Variants in MYCBP2 observed in about 807,000 individuals in gnomAD.
MYCBP2 encodes the protein E3 ubiquitin-protein ligase MYCBP2.
In MYCBP2, 120 loss-of-function variants were observed where a neutral mutation model predicts 525.3. The observed-to-expected ratio is 0.23, with a 90% CI of 0.20 to 0.27. The LOEUF is 0.27. Ranked by LOEUF, MYCBP2 falls within the 10% of genes least tolerant of loss-of-function variation. The pLI is 1.00. For missense variants in MYCBP2, 4,149 were observed against 5,657.1 expected, an observed-to-expected ratio of 0.73 and a Z score of 8.55; for synonymous variants, 1,894 against 1,955.8, an observed-to-expected ratio of 0.97 and a Z score of 0.83.
At chr13:77,284,153 T>G (rs1224330533) in intron 3 of MYCBP2, among the ~76,000 whole-genome samples, 1 of 151,488 alleles carries the variant, frequency 6.6e-6, no homozygotes, top group Non-Finnish European at 1.5e-5. Flanking sequence ...TAAATAATAA[T>G]TTAAAACTCA....
chr13:77,071,273 A>G lies in MYCBP2; in HGVS notation c.11824-562T>C, dbSNP rs1773244. Among the ~76,000 whole-genome samples, 904 of 95,264 alleles carry G rather than the reference A, an allele frequency of 9.5e-3. 6 individuals are homozygous for G. Among genetic ancestry groups the G allele is most frequent in the African/African-American group, 0.027 (641 of 24,020 alleles). The allele number at this position is 95,264 out of a possible 152,430, so 62.5% of individuals were successfully genotyped here. On this transcript the variant is annotated intron_variant, in intron 68 of 82. Transcript: ENST00000544440. ...TATGCATGCACGTGTGTGCACACGC[A>G]CACACACACACACACACACACACAC... is the stretch of plus-strand genomic sequence containing the variant.
intron 4 of MYCBP2, among the ~76,000 whole-genome samples, chr13:77,275,678 T>A (rs549878287): frequency 8.8e-4 from 134 of 152,146 alleles, no homozygotes; most frequent in African/African-American, 2.9e-3. Context: ...AAATAAAAAA[T>A]TTTTAAGTTA....
intron 2 of MYCBP2, 85 bp downstream of exon 2, chr13:77,296,514 T>C: frequency 7.1e-7 from 1 of 1,404,900 alleles, no homozygotes. Flanking sequence ...ATAAAATGGT[T>C]TAATTATATT....
chr13:77,275,650 C>T (rs2075458719), intron 4 of MYCBP2, among the ~76,000 whole-genome samples: 1 of 152,004 alleles, frequency 6.6e-6, no homozygotes, highest in African/African-American at 2.4e-5. Flanking sequence ...TAGTAAGATC[C>T]TGTCCCTAAA....
rs149197578 is a variant in MYCBP2, at chr13:77,066,717, T to G, written c.12456-629A>C. Reference sequence around the variant, plus strand: ...AGATATCCAAAAAGGCTGCAGCAATTTATATGAGATGAAAATGCCTATTTC... The same window carrying G: ...AGATATCCAAAAAGGCTGCAGCAATGTATATGAGATGAAAATGCCTATTTC... On this transcript the variant is annotated intron_variant, in intron 71 of 82. Coordinates refer to ENST00000544440, the MANE Select transcript of MYCBP2 (RefSeq NM_015057.5). 2.2e-3 allele frequency among the ~76,000 whole-genome samples: 332 copies of G among 152,294 alleles called. 1 individual carries two copies. The highest frequency in any genetic ancestry group is 7.6e-3 in the African/African-American group (316 of 41,564).
Position 77,078,909 on chromosome 13 carries a change from A to G in MYCBP2, c.11419-20T>C, listed in dbSNP as rs2042808242. On this transcript the variant is annotated intron_variant, in intron 65 of 82. Coordinates refer to ENST00000544440, the MANE Select transcript of MYCBP2 (RefSeq NM_015057.5). ...TTTATTCTGAAATAGACAATTCACA[A>G]TAGTTAATATGCTATATTCCTGCTT... is the stretch of plus-strand genomic sequence containing the variant. 6.3e-7 allele frequency: 1 copy of G among 1,583,098 alleles called. No individual in the cohort carries two copies. The highest frequency in any genetic ancestry group is 8.7e-7 in the Non-Finnish European group (1 of 1,152,684).
intron 20 of MYCBP2, among the ~76,000 whole-genome samples, chr13:77,218,981 G>A (rs1356947641): frequency 2.6e-5 from 4 of 152,188 alleles, no homozygotes; most frequent in Admixed American, 1.3e-4. Context: ...CAGAATTGAT[G>A]AAACTTGGCA....
chr13:77,207,475 T>A (rs2063483067), intron 23 of MYCBP2, among the ~76,000 whole-genome samples: 1 of 152,168 alleles, frequency 6.6e-6, no homozygotes, highest in Non-Finnish European at 1.5e-5. Flanking sequence ...AGCTATTGTT[T>A]AATAACTATA....
chr13:77,099,571 T>A (rs2046754464), intron 55 of MYCBP2: 1 of 164,288 alleles, frequency 6.1e-6, no homozygotes, highest in Admixed American at 5.8e-5. Flanking sequence ...CTCTGTTTTA[T>A]GATCAGATTA....
intron 54 of MYCBP2, among the ~76,000 whole-genome samples, chr13:77,122,248 C>G (rs1594732806): frequency 6.6e-6 from 1 of 151,846 alleles, no homozygotes; most frequent in African/African-American, 2.4e-5. Flanking sequence ...CATATTAATG[C>G]CAGCCAAAAA....
At chr13:77,281,768 G>A (rs902095685) in intron 3 of MYCBP2, among the ~76,000 whole-genome samples, 1 of 152,018 alleles carries the variant, frequency 6.6e-6, no homozygotes, top group African/African-American at 2.4e-5. Flanking sequence ...TTCCAAACGT[G>A]ACTTTATTAT....
intron 69 of MYCBP2, among the ~76,000 whole-genome samples, chr13:77,070,175 T>C (rs2040931185): frequency 6.6e-6 from 1 of 152,194 alleles, no homozygotes; most frequent in East Asian, 1.9e-4. Context: ...TTTTCATAAG[T>C]AAAATCTTTA....
chr13:77,085,602 C>T (rs950862167), intron 62 of MYCBP2, among the ~76,000 whole-genome samples: 6 of 152,094 alleles, frequency 3.9e-5, no homozygotes, highest in East Asian at 3.9e-4. Context: ...TGAATTTGAC[C>T]GGCCTTGTGA....
rs1221985004 is a variant in MYCBP2, at chr13:77,045,124, G to A, written c.*254C>T. 9.1e-6 allele frequency: 4 copies of A among 441,816 alleles called. No homozygotes were observed. Among genetic ancestry groups the A allele is most frequent in the Admixed American group, 3.9e-5 (1 of 25,654 alleles). The allele number at this position is 441,816 out of a possible 1,614,324, so 27.4% of individuals were successfully genotyped here. A position where few individuals can be genotyped will look rare whatever the true frequency, so the allele number is the denominator to read the frequency against. On this transcript the variant is annotated 3_prime_UTR_variant, in exon 83 of 83. Transcript: ENST00000544440. ...GTCCAATGCTTCACAGGCCAATGAC[G>A]GTAATGGCCACATGCAAACACCTCA...
intron 63 of MYCBP2, among the ~76,000 whole-genome samples, chr13:77,082,525 G>C (rs369423674): frequency 4.6e-5 from 7 of 152,202 alleles, no homozygotes; most frequent in Admixed American, 1.3e-4. Flanking sequence ...TCCAGTATGT[G>C]AATCTAGTAA....
intron 46 of MYCBP2, 86 bp downstream of exon 46, chr13:77,155,971 GA>G: frequency 7.8e-7 from 1 of 1,275,274 alleles, no homozygotes; most frequent in Non-Finnish European, 1.1e-6. Flanking sequence ...AGAACAAATG[GA>G]CTCTCAGCAC....
intron 2 of MYCBP2, among the ~76,000 whole-genome samples, chr13:77,293,970 C>A (rs1007928283): frequency 6.6e-6 from 1 of 150,916 alleles, no homozygotes; most frequent in African/African-American, 2.4e-5. Context: ...TAATTTGTTA[C>A]AGATTAAATA....
At chr13:77,156,919 T>TA (rs2057282173) in intron 45 of MYCBP2, among the ~76,000 whole-genome samples, 2 of 152,312 alleles carry the variant, frequency 1.3e-5, no homozygotes, top group South Asian at 4.1e-4. Context: ...TTGTGATTTT[T>TA]AAAAACTAAA....
intron 55 of MYCBP2, among the ~76,000 whole-genome samples, chr13:77,101,309 C>T (rs986517842): frequency 1.3e-5 from 2 of 151,928 alleles, no homozygotes; most frequent in Admixed American, 6.6e-5. Context: ...AGGAAGGGTT[C>T]GTGACAAAGA....
Sources: allele counts gnomAD v4.1 joint callset (sites outside exome capture counted in the v4.1 genomes callset), GRCh38; gene constraint gnomAD v4.1.1; transcripts MANE v1.5; gene names NCBI Gene and HGNC (gene_info 2026-07-23, HGNC 2026-07-21).